SHQ1: variants seen among roughly 807,000 people sequenced by gnomAD.
SHQ1 encodes the protein protein SHQ1 homolog.
In SHQ1, 49 loss-of-function variants were observed where a neutral mutation model predicts 53.8. That is an observed-to-expected ratio of 0.91 (90% CI 0.72 to 1.16). The LOEUF is 1.16. Ranked by LOEUF, SHQ1 falls within the 50% of genes most tolerant of loss-of-function variation. The pLI is 0.00. For missense variants in SHQ1, 738 were observed against 683.1 expected, an observed-to-expected ratio of 1.08 and a Z score of -0.90; for synonymous variants, 243 against 251.0, an observed-to-expected ratio of 0.97 and a Z score of 0.30.
intron 10 of SHQ1, among the ~76,000 whole-genome samples, chr3:72,760,395 A>G (rs1705582722): frequency 6.6e-6 from 1 of 152,252 alleles, no homozygotes; most frequent in South Asian, 2.1e-4. Context: ...CAGAAACTCA[A>G]TGAATATTCA....
intron 10 of SHQ1, among the ~76,000 whole-genome samples, chr3:72,759,093 C>G (rs954536966): frequency 6.6e-6 from 1 of 152,190 alleles, no homozygotes; most frequent in South Asian, 2.1e-4. Context: ...GTCTTAGTGT[C>G]TCTTCTTTTC....
intron 10 of SHQ1, among the ~76,000 whole-genome samples, chr3:72,776,782 T>C (rs1705964792): frequency 6.6e-6 from 1 of 152,194 alleles, no homozygotes; most frequent in Non-Finnish European, 1.5e-5. Context: ...TCAAAATGTT[T>C]TTCATGGAAC....
intron 9 of SHQ1, among the ~76,000 whole-genome samples, chr3:72,798,230 A>G (rs1419492588): frequency 1.3e-5 from 2 of 152,226 alleles, no homozygotes; most frequent in Non-Finnish European, 2.9e-5. Flanking sequence ...AACCACGGTA[A>G]CTATTTGCAC....
intron 4 of SHQ1, among the ~76,000 whole-genome samples, chr3:72,834,791 T>C (rs1023734106): frequency 6.6e-6 from 1 of 152,184 alleles, no homozygotes; most frequent in Non-Finnish European, 1.5e-5. Context: ...TCCAGTGGAA[T>C]CATGCAGACT....
intron 9 of SHQ1, among the ~76,000 whole-genome samples, chr3:72,810,161 C>T (rs747105779): frequency 6.6e-6 from 1 of 152,036 alleles, no homozygotes; most frequent in Admixed American, 6.6e-5. Flanking sequence ...GAGTCATGTG[C>T]CCCAAGATGA....
chr3:72,834,945 C>T (rs546354680), intron 4 of SHQ1, among the ~76,000 whole-genome samples: 5 of 152,218 alleles, frequency 3.3e-5, no homozygotes, highest in African/African-American at 7.2e-5. Flanking sequence ...TCTTACAGTT[C>T]TGGAAGTCAG....
chr3:72,794,983 A>C (rs2106802506), intron 9 of SHQ1: 1 of 152,292 alleles, frequency 6.6e-6, no homozygotes, highest in African/African-American at 2.4e-5. Flanking sequence ...CCAAGATCTA[A>C]ATTCCAATCT....
At chr3:72,839,798 T>C (rs1371342262) in intron 4 of SHQ1, among the ~76,000 whole-genome samples, 1 of 152,082 alleles carries the variant, frequency 6.6e-6, no homozygotes, top group East Asian at 2.0e-4. Context: ...TCTCACACTG[T>C]TGCCCAGGCT....
chr3:72,742,671 C>T, the SHQ1 span, among the ~76,000 whole-genome samples: 21 of 136,890 alleles, frequency 1.5e-4, no homozygotes, highest in African/African-American at 5.4e-4. Context: ...GGCTGGAGTG[C>T]AGTGGCATAA....
chr3:72,802,761 C>T (rs1247946151), intron 9 of SHQ1, among the ~76,000 whole-genome samples: 1 of 152,160 alleles, frequency 6.6e-6, no homozygotes, highest in Non-Finnish European at 1.5e-5. Context: ...CCACTACTAA[C>T]AAGCACTCTA....
At chr3:72,796,271 CTGAG>C (rs1706618778) in intron 9 of SHQ1, among the ~76,000 whole-genome samples, 1 of 152,018 alleles carries the variant, frequency 6.6e-6, no homozygotes, top group Admixed American at 6.6e-5. Context: ...CTTGGACAGA[CTGAG>C]TGAGAACGTC....
chr3:72,758,638 C>T (rs756379248), intron 10 of SHQ1, among the ~76,000 whole-genome samples: 7 of 146,392 alleles, frequency 4.8e-5, no homozygotes, highest in South Asian at 2.1e-4. Flanking sequence ...GGCACGATCT[C>T]GGCTCACTGC....
the SHQ1 span, among the ~76,000 whole-genome samples, chr3:72,741,088 T>C: frequency 6.6e-6 from 1 of 152,210 alleles, no homozygotes; most frequent in African/African-American, 2.4e-5. Context: ...GGACTGAGTA[T>C]TGGTACTTTT....
intron 10 of SHQ1, among the ~76,000 whole-genome samples, chr3:72,786,459 C>T (rs1291775930): frequency 6.6e-6 from 1 of 152,164 alleles, no homozygotes; most frequent in Admixed American, 6.5e-5. Context: ...GTACTATAAC[C>T]TATGCATCCT....
At chr3:72,817,949 T>C (rs1707370383) in intron 6 of SHQ1, among the ~76,000 whole-genome samples, 1 of 152,076 alleles carries the variant, frequency 6.6e-6, no homozygotes, top group Non-Finnish European at 1.5e-5. Flanking sequence ...TGGGAAAAGA[T>C]TGTTTCTTTA....
the SHQ1 span, among the ~76,000 whole-genome samples, chr3:72,734,337 A>G: frequency 2.0e-5 from 3 of 150,424 alleles, no homozygotes; most frequent in South Asian, 6.4e-4. Context: ...ACTCACTACA[A>G]CCTCTGTCTC....
intron 4 of SHQ1, among the ~76,000 whole-genome samples, chr3:72,833,499 T>TAGATAGACAGAC (rs1420801849): frequency 4.8e-4 from 18 of 37,452 alleles, no homozygotes; most frequent in African/African-American, 1.0e-3. Flanking sequence ...GATAGATAGA[T>TAGATAGACAGAC]AGACAGACAG....
At chr3:72,804,074 G>A (rs918462801) in intron 9 of SHQ1, among the ~76,000 whole-genome samples, 2 of 151,862 alleles carry the variant, frequency 1.3e-5, no homozygotes, top group South Asian at 2.1e-4. Context: ...ACACAACTAC[G>A]CCCTGCTAAT....
At chr3:72,727,596 G>A in the SHQ1 span, among the ~76,000 whole-genome samples, 201 of 152,306 alleles carry the variant, frequency 1.3e-3, 1 homozygote, top group African/African-American at 4.5e-3. Context: ...AGCAGAATGC[G>A]TTTTTGTTTT....
Sources: gnomAD v4.1 joint callset for allele counts (sites outside exome capture counted in the v4.1 genomes callset) on GRCh38, gnomAD v4.1.1 for gene constraint, MANE v1.5 for transcripts, NCBI Gene and HGNC (gene_info 2026-07-23, HGNC 2026-07-21) for gene names.